The following CNBP variants were observed in gnomAD, a reference collection of about 807,000 sequenced individuals.
CNBP encodes CCHC-type zinc finger nucleic acid binding protein.
A neutral mutation model predicts 21.2 loss-of-function variants in CNBP; 6 were observed. The observed-to-expected ratio is 0.28, with a 90% CI of 0.16 to 0.56. The LOEUF is 0.56. Ranked by LOEUF, CNBP falls within the 20% of genes least tolerant of loss-of-function variation. The pLI is 0.93. For synonymous variants in CNBP, 61 were observed against 74.9 expected (o/e 0.81, Z 0.96); for missense variants, 112 against 233.1 (o/e 0.48, Z 3.38).
At chr3:129,179,240 G>A (rs143425516) in intron 1 of CNBP, among the ~76,000 whole-genome samples, 7 of 151,430 alleles carry the variant, frequency 4.6e-5, no homozygotes, top group African/African-American at 7.3e-5. Context: ...TCATGCCATC[G>A]CACTCCAGCC....
chr3:129,180,934 C>G (rs765166291), intron 1 of CNBP, among the ~76,000 whole-genome samples: 2 of 151,926 alleles, frequency 1.3e-5, no homozygotes, highest in Non-Finnish European at 2.9e-5. Flanking sequence ...TTTTATTGAA[C>G]TTTAAAAGAC....
At position 129,173,774 on chromosome 3, in the gene CNBP, C is replaced by T. The variant is rs148202138; in HGVS notation, c.-14-2003G>A. 3.1e-3 allele frequency among the ~76,000 whole-genome samples: 474 copies of T among 152,228 alleles called. 4 individuals carry two copies. Among genetic ancestry groups the T allele is most frequent in the African/African-American group, 0.011 (462 of 41,536 alleles). On this transcript the variant is annotated intron_variant, in intron 1 of 4. Transcript: ENST00000422453. ...ACTGTCAAACAATGGCACACAAAGT[C>T]GTATTTTAAATATCCTCTCAAACCT...
In CNBP at chr3:129,169,368, A is replaced by G. The variant is rs1020206807; in HGVS notation, c.*1085T>C. On this transcript the variant is annotated 3_prime_UTR_variant, in exon 5 of 5. Coordinates refer to ENST00000422453, the MANE Select transcript of CNBP (RefSeq NM_003418.5). ...CAAGGGCATTATTATAACAGATTAC[A>G]AAGTGAATTTTCTATAGCTTTGCAA... 3.1e-5 allele frequency: 6 copies of G among 193,436 alleles called. No individual in the cohort carries two copies. The highest frequency in any genetic ancestry group is 1.4e-4 in the African/African-American group (6 of 43,186). 12.0% of individuals were successfully genotyped at this position (193,436 alleles called of 1,614,324 possible).
chr3:129,178,947 C>G (rs539417613), intron 1 of CNBP, among the ~76,000 whole-genome samples: 1 of 151,978 alleles, frequency 6.6e-6, no homozygotes, highest in Non-Finnish European at 1.5e-5. Context: ...GGGGTTTCAC[C>G]GTGTTAGCCA....
At chr3:129,179,065 G>T (rs183556097) in intron 1 of CNBP, among the ~76,000 whole-genome samples, 197 of 152,120 alleles carry the variant, frequency 1.3e-3, no homozygotes, top group African/African-American at 4.6e-3. Context: ...ATCACCAAAG[G>T]TCGGGAGCTC....
At chr3:129,183,271 C>A (rs1388667399) in intron 1 of CNBP, among the ~76,000 whole-genome samples, 1 of 152,132 alleles carries the variant, frequency 6.6e-6, no homozygotes, top group Non-Finnish European at 1.5e-5. Context: ...CTAAGGCCCC[C>A]AAAACCCTTG....
chr3:129,178,158 CA>C (rs368723690), intron 1 of CNBP, among the ~76,000 whole-genome samples: 99 of 103,858 alleles, frequency 9.5e-4, no homozygotes, highest in African/African-American at 3.5e-3. Flanking sequence ...GACTCTGTCT[CA>C]AAAAAAAAAA....
intron 1 of CNBP, among the ~76,000 whole-genome samples, chr3:129,172,559 G>A (rs1397017739): frequency 6.6e-6 from 1 of 151,942 alleles, no homozygotes; most frequent in Non-Finnish European, 1.5e-5. Flanking sequence ...TCCAGCCTAG[G>A]GGACAAAGTG....
At chr3:129,176,480 T>A (rs767645281) in intron 1 of CNBP, among the ~76,000 whole-genome samples, 1 of 152,188 alleles carries the variant, frequency 6.6e-6, no homozygotes, top group African/African-American at 2.4e-5. Flanking sequence ...CATATAGTTA[T>A]CCTTTTAGTA....
chr3:129,171,918 G>A (rs898082062), intron 1 of CNBP, 147 bp from the exon 2 acceptor site: 33 of 888,740 alleles, frequency 3.7e-5, no homozygotes, highest in East Asian at 2.1e-4. Flanking sequence ...GGTGGCTCAC[G>A]CCAGTAATCC....
At chr3:129,171,613 T>C in intron 2 of CNBP, 21 bp downstream of exon 2, 1 of 1,614,168 alleles carries the variant, frequency 6.2e-7, no homozygotes, top group African/African-American at 1.3e-5. Flanking sequence ...GTACTTCAAA[T>C]TTTTCTATTC....
chr3:129,171,655 C>T lies in CNBP; in HGVS notation c.103G>A (p.Gly35Ser). 1.2e-6 allele frequency: 2 copies of T among 1,614,192 alleles called. No homozygotes were observed. Among genetic ancestry groups the T allele is most frequent in the East Asian group, 2.2e-5 (1 of 44,878 alleles). Reference sequence around the variant, plus strand: ...ATACCTCTATCCGAGGTAAAACCACCTCTGCCACGGCTTCTCATTCCACGA... The same window carrying T: ...ATACCTCTATCCGAGGTAAAACCACTTCTGCCACGGCTTCTCATTCCACGA... ...RGRGMRSRGR[G>S]GFTSDRGFQF... The change falls in exon 2 of 5, where the codon GGT (glycine) becomes AGT (serine). Residue 35 changes from glycine to serine, a missense_variant. By Grantham distance (56) the Gly-to-Ser change is moderately conservative. Transcript: ENST00000422453.
chr3:129,177,226 C>T (rs1439963353), intron 1 of CNBP, among the ~76,000 whole-genome samples: 2 of 152,166 alleles, frequency 1.3e-5, no homozygotes, highest in Non-Finnish European at 2.9e-5. Context: ...TAATATAAGG[C>T]ACCACTTACT....
rs1044645171 is a variant in CNBP, at chr3:129,172,319, T to C, written c.-14-548A>G. Among the ~76,000 whole-genome samples the C allele has an allele frequency of 1.7e-4, 26 of 152,138 alleles. 3 individuals carry two copies. Among genetic ancestry groups the C allele is most frequent in the Admixed American group, 5.9e-4 (9 of 15,278 alleles). On this transcript the variant is annotated intron_variant, in intron 1 of 4. Transcript: ENST00000422453. ...GGTAGTGGCTGGGCACGGTGGCTCA[T>C]GCCTGTAATCCTAGCACTTTGGGAG... is the stretch of plus-strand genomic sequence containing the variant.
At position 129,177,080 on chromosome 3, in the gene CNBP, A is replaced by C. The variant is rs7645386; in HGVS notation, c.-14-5309T>G. On this transcript the variant is annotated intron_variant, in intron 1 of 4. Transcript: ENST00000422453. ...AGGTTCTGTTAGTCCAAGAATTCATAATCAATTGGATTTCAGTACTATTTT... is the reference window on the plus strand; with the variant it reads ...AGGTTCTGTTAGTCCAAGAATTCATCATCAATTGGATTTCAGTACTATTTT... Among the ~76,000 whole-genome samples the C allele has an allele frequency of 9.6e-3, 1,455 of 152,306 alleles. 22 individuals carry two copies. Among genetic ancestry groups the C allele is most frequent in the African/African-American group, 0.033 (1,355 of 41,556 alleles).
rs1365144521 is a variant in CNBP, at chr3:129,170,121, C to T, written c.*332G>A. Reference sequence around the variant, plus strand: ...GACACTTCCAGAATTGGTTTTACCTCCTACATGGGAACATGTTCAAGGAAC... The same window carrying T: ...GACACTTCCAGAATTGGTTTTACCTTCTACATGGGAACATGTTCAAGGAAC... On this transcript the variant is annotated 3_prime_UTR_variant, in exon 5 of 5. Coordinates refer to ENST00000422453, the MANE Select transcript of CNBP (RefSeq NM_003418.5). The T allele has an allele frequency of 6.6e-6, 2 of 302,970 alleles. No homozygotes were observed. Among genetic ancestry groups the T allele is most frequent in the African/African-American group, 4.1e-5 (2 of 48,196 alleles). 18.8% of individuals were successfully genotyped at this position (302,970 alleles called of 1,614,324 possible). A position where few individuals can be genotyped will look rare whatever the true frequency, so the allele number is the denominator to read the frequency against.
Position 129,181,239 on chromosome 3 carries a change from C to CAAAAAAAAAAA in CNBP, c.-15+2526_-15+2536dup, listed in dbSNP as rs10587328. Among the ~76,000 whole-genome samples, 57 of 53,176 alleles carry CAAAAAAAAAAA rather than the reference C, an allele frequency of 1.1e-3. 1 individual carries two copies. The highest frequency in any genetic ancestry group is 2.9e-3 in the African/African-American group (34 of 11,900). The allele number at this position is 53,176 out of a possible 152,430, so 34.9% of individuals were successfully genotyped here. On this transcript the variant is annotated intron_variant, in intron 1 of 4. Transcript: ENST00000422453. Reference sequence around the variant, plus strand: ...TGGCCGACAGAGAAAGACTCTGTCTCAAAAAAAAAAAAAAAAAAAAAAAAA... The same window carrying CAAAAAAAAAAA: ...TGGCCGACAGAGAAAGACTCTGTCTCAAAAAAAAAAAAAAAAAAAAAAAAAAAAAAAAAAAA...
At chr3:129,171,324 CAA>C in intron 3 of CNBP, 47 bp from the exon 4 acceptor site, 1 of 1,609,486 alleles carries the variant, frequency 6.2e-7, no homozygotes, top group African/African-American at 1.3e-5. Flanking sequence ...AAAACCTTTA[CAA>C]AGTGTTACGT....
rs183700287 is a variant in CNBP, at chr3:129,169,007, C to T, written c.*1446G>A. 0.017 allele frequency among the ~76,000 whole-genome samples: 2,571 copies of T among 151,762 alleles called. 59 individuals carry two copies. The highest frequency in any genetic ancestry group is 0.059 in the African/African-American group (2,422 of 41,336). ...GCCCCAGCTACTCAGGAGGCTGAGG[C>T]AGGAGAATGGCACGAACCCAGGAGG... On this transcript the variant is annotated 3_prime_UTR_variant, in exon 5 of 5. Transcript: ENST00000422453.
Sources: gnomAD v4.1 joint callset for allele counts (sites outside exome capture counted in the v4.1 genomes callset) on GRCh38, gnomAD v4.1.1 for gene constraint, MANE v1.5 for transcripts, NCBI Gene and HGNC (gene_info 2026-07-23, HGNC 2026-07-21) for gene names.